CARMIL1: variants seen among roughly 807,000 people sequenced by gnomAD.
CARMIL1 encodes the protein F-actin-uncapping protein LRRC16A.
A neutral mutation model predicts 177.1 loss-of-function variants in CARMIL1; 90 were observed. The observed-to-expected ratio is 0.51, with a 90% CI of 0.43 to 0.61. The LOEUF is 0.61. Ranked by LOEUF, CARMIL1 falls within the 20% of genes least tolerant of loss-of-function variation. The pLI is 0.00. For synonymous variants in CARMIL1, 577 were observed against 606.2 expected (o/e 0.95, Z 0.71); for missense variants, 1,380 against 1,667.0 (o/e 0.83, Z 3.00).
At chr6:25,390,310 A>ATTTTTTTTTT (rs1792634342) in intron 2 of CARMIL1, among the ~76,000 whole-genome samples, 1 of 38,626 alleles carries the variant, frequency 2.6e-5, no homozygotes, top group Non-Finnish European at 6.1e-5. Flanking sequence ...ATATATATAT[A>ATTTTTTTTTT]TATATATATA....
intron 2 of CARMIL1, among the ~76,000 whole-genome samples, chr6:25,410,338 A>AAGT (rs1313498244): frequency 6.6e-6 from 1 of 152,200 alleles, no homozygotes. Flanking sequence ...AGTAAAAGAA[A>AAGT]AGTGAAACTG....
At chr6:25,612,654 T>G (rs1443568072) in intron 36 of CARMIL1, 2 of 681,582 alleles carry the variant, frequency 2.9e-6, no homozygotes, top group Non-Finnish European at 3.6e-6. Flanking sequence ...GATATTTAAT[T>G]TTTAATATTT....
At position 25,450,817 on chromosome 6, in the gene CARMIL1, CCCCTT is replaced by C. The variant is rs1457581221; in HGVS notation, c.614+111_614+115del. Reference sequence around the variant, plus strand: ...CCTCCCTTCCTCCCTCCCCTCCCCTCCCCTTCCCTCCCCTTCCCTCCCCTCCCCTT... The same window carrying C: ...CCTCCCTTCCTCCCTCCCCTCCCCTCCCCTCCCCTTCCCTCCCCTCCCCTT... On this transcript the variant is annotated intron_variant, in intron 8 of 36. Transcript: ENST00000329474. 6.0e-3 allele frequency: 109 copies of C among 18,038 alleles called. 3 individuals are homozygous for C. Among genetic ancestry groups the C allele is most frequent in the East Asian group, 0.051 (14 of 276 alleles). 1.1% of individuals were successfully genotyped at this position (18,038 alleles called of 1,614,324 possible). A position where few individuals can be genotyped will look rare whatever the true frequency, so the allele number is the denominator to read the frequency against.
At chr6:25,604,541 C>G (rs1815751057) in intron 33 of CARMIL1, among the ~76,000 whole-genome samples, 1 of 152,144 alleles carries the variant, frequency 6.6e-6, no homozygotes, top group Non-Finnish European at 1.5e-5. Flanking sequence ...TTCCCTGGCC[C>G]CATGCACCTC....
chr6:25,332,742 T>TACACGC (rs756617096), intron 2 of CARMIL1, among the ~76,000 whole-genome samples: 6 of 140,086 alleles, frequency 4.3e-5, no homozygotes, highest in African/African-American at 1.6e-4. Flanking sequence ...CAAACATGCA[T>TACACGC]ACACACACAC....
intron 2 of CARMIL1, among the ~76,000 whole-genome samples, chr6:25,340,784 T>TTTTTTG (rs1786834164): frequency 1.1e-5 from 1 of 94,644 alleles, no homozygotes; most frequent in Non-Finnish European, 2.1e-5. Context: ...AAGGTTTTTT[T>TTTTTTG]TTTTTTTTTT....
rs566025267 is a variant in CARMIL1 at position 25,481,366 on chromosome 6, G to C, written c.875-891G>C. Among the ~76,000 whole-genome samples the C allele has an allele frequency of 7.2e-4, 110 of 152,296 alleles. 1 individual carries two copies. The highest frequency in any genetic ancestry group is 1.6e-3 in the Admixed American group (24 of 15,302). The stretch of plus-strand genomic sequence containing the variant: ...ATGACCTCCATGTTGTTTCTTAGAA[G>C]TTGTGATAAGATTTGTAGATAATTT... On this transcript the variant is annotated intron_variant, in intron 11 of 36. Coordinates refer to ENST00000329474, the MANE Select transcript of CARMIL1 (RefSeq NM_017640.6).
chr6:25,355,340 A>G (rs1434462973), intron 2 of CARMIL1, among the ~76,000 whole-genome samples: 1 of 152,146 alleles, frequency 6.6e-6, no homozygotes, highest in Non-Finnish European at 1.5e-5. Context: ...ACAAATAACT[A>G]AGTGCCTCAA....
intron 11 of CARMIL1, among the ~76,000 whole-genome samples, chr6:25,480,505 C>T (rs544513032): frequency 1.7e-4 from 26 of 151,440 alleles, no homozygotes; most frequent in African/African-American, 5.8e-4. Context: ...TATCTTTTTT[C>T]GCTTTTACGT....
intron 3 of CARMIL1, among the ~76,000 whole-genome samples, chr6:25,421,777 A>AC (rs1481135313): frequency 6.7e-6 from 1 of 148,944 alleles, no homozygotes; most frequent in Non-Finnish European, 1.5e-5. Context: ...AGGACAAAAA[A>AC]CCAAACACCG....
At chr6:25,440,622 C>T (rs1006052854) in intron 5 of CARMIL1, among the ~76,000 whole-genome samples, 32 of 152,074 alleles carry the variant, frequency 2.1e-4, no homozygotes, top group African/African-American at 5.8e-4. Flanking sequence ...AGTTGGTAAC[C>T]GTATCTTTTC....
rs1477987236 is a variant in CARMIL1, at chr6:25,586,810, C to T, written c.3006+5371C>T. 3.9e-5 allele frequency among the ~76,000 whole-genome samples: 6 copies of T among 152,094 alleles called. No individual in the cohort carries two copies. In the East Asian group the frequency reaches 1.2e-3, roughly 29 times the overall value. On this transcript the variant is annotated intron_variant, in intron 31 of 36. Coordinates refer to ENST00000329474, the MANE Select transcript of CARMIL1 (RefSeq NM_017640.6). ...TCCACCAAAAAATACAAAAACCAGT[C>T]AGGCGTGGCGGCGCGCGCCTGCAAT...
chr6:25,538,332 C>G (rs889749923), intron 25 of CARMIL1, among the ~76,000 whole-genome samples: 4 of 152,212 alleles, frequency 2.6e-5, no homozygotes, highest in Non-Finnish European at 4.4e-5. Context: ...AAGGAAGCTT[C>G]TCTCACGTTA....
chr6:25,308,312 GC>G (rs1783444262), intron 2 of CARMIL1, among the ~76,000 whole-genome samples: 1 of 151,696 alleles, frequency 6.6e-6, no homozygotes, highest in African/African-American at 2.4e-5. Context: ...TTGTCACTGT[GC>G]CTGAGAAAGC....
rs536200555 is a variant in CARMIL1 at position 25,419,014 on chromosome 6, G to A, written c.139-1100G>A. Among the ~76,000 whole-genome samples, 138 of 152,284 alleles carry A rather than the reference G, an allele frequency of 9.1e-4. 1 individual carries two copies. The highest frequency in any genetic ancestry group is 3.4e-3 in the Middle Eastern group (1 of 294). ...AATGCATTGTTTCTATTTGGAGTTG[G>A]GAGACTAGGGAAAGGTATAAAGCAC... On this transcript the variant is annotated intron_variant, in intron 2 of 36. Coordinates refer to ENST00000329474, the MANE Select transcript of CARMIL1 (RefSeq NM_017640.6).
intron 3 of CARMIL1, among the ~76,000 whole-genome samples, chr6:25,425,905 C>T (rs186428915): frequency 2.6e-4 from 39 of 152,192 alleles, no homozygotes; most frequent in African/African-American, 8.9e-4. Flanking sequence ...TCCATTCAAA[C>T]TGTGCATTTT....
intron 2 of CARMIL1, among the ~76,000 whole-genome samples, chr6:25,386,039 T>C (rs918158924): frequency 6.6e-6 from 1 of 152,258 alleles, no homozygotes; most frequent in Non-Finnish European, 1.5e-5. Context: ...GCTAACTTGC[T>C]GTCTGGATAC....
rs1792792285 is a variant in CARMIL1 at position 25,391,265 on chromosome 6, C to T, written c.139-28849C>T. 2.6e-5 allele frequency among the ~76,000 whole-genome samples: 4 copies of T among 152,268 alleles called. No individual in the cohort carries two copies. The South Asian group carries it at 8.3e-4, about 32-fold the overall frequency. Reference sequence around the variant, plus strand: ...CTGGGTGGGGGTCATTTCCATAGGACATTTTTCTATACATGTCATCTTTCC... The same window carrying T: ...CTGGGTGGGGGTCATTTCCATAGGATATTTTTCTATACATGTCATCTTTCC... On this transcript the variant is annotated intron_variant, in intron 2 of 36. Transcript: ENST00000329474.
intron 8 of CARMIL1, among the ~76,000 whole-genome samples, chr6:25,459,442 G>C (rs1297878469): frequency 6.6e-6 from 1 of 151,062 alleles, no homozygotes; most frequent in Non-Finnish European, 1.5e-5. Context: ...TTGTAAAGAT[G>C]GGATTTCACC....
Sources: gnomAD v4.1 joint callset for allele counts (sites outside exome capture counted in the v4.1 genomes callset) on GRCh38, gnomAD v4.1.1 for gene constraint, MANE v1.5 for transcripts, NCBI Gene and HGNC (gene_info 2026-07-23, HGNC 2026-07-21) for gene names.